RANBP2: variants seen among roughly 807,000 people sequenced by gnomAD.
The protein encoded by RANBP2 is RAN binding protein 2.
Under a neutral mutation model 303.6 loss-of-function variants are expected in RANBP2, and 57 were observed. That is an observed-to-expected ratio of 0.19 (90% CI 0.15 to 0.23). The LOEUF (loss-of-function observed/expected upper bound fraction) is 0.23. Among genes scored for constraint, RANBP2 ranks in the 10% least tolerant of loss-of-function variants. The probability of loss-of-function intolerance (pLI) is 1.00; values close to 1 mark genes in which losing one functional copy is unlikely to be tolerated. For synonymous variants in RANBP2, 1,167 were observed against 1,301.5 expected (o/e 0.90, Z 2.23); for missense variants, 3,138 against 3,780.8 (o/e 0.83, Z 4.46).
At chr2:109,411,619 C>A in the RANBP2 span, among the ~76,000 whole-genome samples, 1 of 152,174 alleles carries the variant, frequency 6.6e-6, no homozygotes, top group Non-Finnish European at 1.5e-5. Flanking sequence ...TTTTAGTTTT[C>A]ATATCCCTGA....
At chr2:108,954,489 G>T in the RANBP2 span, among the ~76,000 whole-genome samples, 2 of 152,104 alleles carry the variant, frequency 1.3e-5, no homozygotes, top group African/African-American at 2.4e-5. Context: ...CCTTGGAAAA[G>T]GCTCCCCACC....
the RANBP2 span, among the ~76,000 whole-genome samples, chr2:109,113,350 G>A: frequency 0.19 from 29,287 of 150,430 alleles, 3,478 homozygotes; most frequent in Middle Eastern, 0.35. Context: ...GGTCCTTCAC[G>A]TCCCTTGTAA....
At chr2:108,974,278 T>G in the RANBP2 span, among the ~76,000 whole-genome samples, 1 of 119,466 alleles carries the variant, frequency 8.4e-6, no homozygotes, top group Admixed American at 1.2e-4. Flanking sequence ...TGCAGTGAGC[T>G]GAGATCACAC....
chr2:108,742,311 T>C (rs1696174292), intron 7 of RANBP2, among the ~76,000 whole-genome samples: 1 of 151,160 alleles, frequency 6.6e-6, no homozygotes, highest in African/African-American at 2.4e-5. Context: ...ATAAATCTTT[T>C]TATTTTTATT....
At chr2:109,541,063 T>C in the RANBP2 span, among the ~76,000 whole-genome samples, 8 of 152,346 alleles carry the variant, frequency 5.3e-5, no homozygotes, top group East Asian at 1.5e-3. Context: ...TGCAGTTTCT[T>C]ACTTTTTTCT....
chr2:109,636,911 T>G, the RANBP2 span, among the ~76,000 whole-genome samples: 1 of 152,050 alleles, frequency 6.6e-6, no homozygotes. Context: ...GAAAGAGAGA[T>G]AAGACACAGA....
In RANBP2 at chr2:108,763,819, G is replaced by A; in HGVS notation, c.3280G>A (p.Gly1094Arg). The change falls in exon 20 of 29, where the codon GGG (glycine) becomes AGG (arginine). Residue 1094 changes from glycine (G) to arginine (R), a missense_variant. By Grantham distance (125) the Gly-to-Arg change is moderately radical. This residue lies in a region of RANBP2 where 403 missense variants were observed against 376.7 expected (regional missense o/e 1.07). Coordinates refer to ENST00000283195, the MANE Select transcript of RANBP2 (RefSeq NM_006267.5). Reference protein sequence around the residue: ...AKPIPGGQTIGPRNTFNFGSK... With the variant: ...AKPIPGGQTIRPRNTFNFGSK... ...ACCAATTCCTGGTGGTCAAACCATT[G>A]GGCCTCGAAATACATTCAATTTTGG... 6.2e-7 allele frequency: 1 copy of A among 1,614,016 alleles called. No homozygotes were observed.
At chr2:109,468,063 C>T in the RANBP2 span, among the ~76,000 whole-genome samples, 1 of 152,222 alleles carries the variant, frequency 6.6e-6, no homozygotes, top group East Asian at 1.9e-4. Context: ...CCACAACTCA[C>T]TAATCAAAAC....
the RANBP2 span, among the ~76,000 whole-genome samples, chr2:108,932,743 G>C: frequency 6.6e-6 from 1 of 152,042 alleles, no homozygotes; most frequent in Non-Finnish European, 1.5e-5. Flanking sequence ...GGTCCTTTAG[G>C]AGATGCACCC....
Position 108,729,166 on chromosome 2 carries a change from A to G in RANBP2, c.107A>G (p.Tyr36Cys), listed in dbSNP as rs759509405. The G allele has an allele frequency of 6.4e-7, 1 of 1,574,256 alleles. No individual in the cohort carries two copies. Among genetic ancestry groups the G allele is most frequent in the Non-Finnish European group, 8.6e-7 (1 of 1,162,334 alleles). Residue 36 changes from tyrosine to cysteine, a missense_variant, in exon 2 of 29, where the codon TAT (tyrosine) becomes TGT (cysteine). Tyr to Cys is a radical substitution (Grantham distance 194, BLOSUM62 -2). Around this residue, in one of 20 missense-constraint regions of RANBP2, gnomAD observed 306 missense variants for 381.9 expected, o/e 0.80. Transcript: ENST00000283195. ...SMKGFYFAKL[Y>C]YEAKEYDLAK... Reference sequence around the variant, plus strand: ...AAAGGATTCTATTTTGCAAAGCTGTATTATGAAGCTAAAGAATATGATCTT... The same window carrying G: ...AAAGGATTCTATTTTGCAAAGCTGTGTTATGAAGCTAAAGAATATGATCTT...
At chr2:109,413,566 C>T in the RANBP2 span, among the ~76,000 whole-genome samples, 66 of 152,310 alleles carry the variant, frequency 4.3e-4, no homozygotes, top group African/African-American at 1.2e-3. Context: ...CTGTCTCTCC[C>T]GCTCTAGAAT....
the RANBP2 span, among the ~76,000 whole-genome samples, chr2:109,695,581 G>C: frequency 6.6e-6 from 1 of 152,164 alleles, no homozygotes; most frequent in Non-Finnish European, 1.5e-5. Flanking sequence ...TACTACCTTG[G>C]TGGGAAAATC....
the RANBP2 span, among the ~76,000 whole-genome samples, chr2:109,741,451 C>T: frequency 1.3e-5 from 2 of 149,824 alleles, no homozygotes; most frequent in Non-Finnish European, 3.0e-5. Context: ...GGGCTCGGTG[C>T]CCCACGCCTG....
At chr2:109,020,007 G>C in the RANBP2 span, among the ~76,000 whole-genome samples, 1 of 152,220 alleles carries the variant, frequency 6.6e-6, no homozygotes, top group Non-Finnish European at 1.5e-5. Context: ...AAGTGGGGGT[G>C]AAGTTTCGGG....
chr2:109,339,824 G>T, the RANBP2 span, among the ~76,000 whole-genome samples: 1 of 152,126 alleles, frequency 6.6e-6, no homozygotes, highest in Non-Finnish European at 1.5e-5. Context: ...AAACAGATCT[G>T]GACCCTCCTG....
chr2:109,133,705 T>G, the RANBP2 span, among the ~76,000 whole-genome samples: 1 of 149,424 alleles, frequency 6.7e-6, no homozygotes, highest in Non-Finnish European at 1.5e-5. Flanking sequence ...ATGGTCATCT[T>G]GATTTCCCAA....
the RANBP2 span, among the ~76,000 whole-genome samples, chr2:109,648,731 T>C: frequency 3.3e-5 from 5 of 149,470 alleles, no homozygotes; most frequent in African/African-American, 1.2e-4. Context: ...TTGGCTCACA[T>C]CAACCCCTGC....
At chr2:109,690,616 G>T in the RANBP2 span, among the ~76,000 whole-genome samples, 1 of 152,214 alleles carries the variant, frequency 6.6e-6, no homozygotes, top group African/African-American at 2.4e-5. Context: ...GCCACCCAGG[G>T]GCAGAGGAAT....
At chr2:109,057,921 G>A in the RANBP2 span, among the ~76,000 whole-genome samples, 3 of 152,350 alleles carry the variant, frequency 2.0e-5, no homozygotes, top group South Asian at 2.1e-4. Context: ...AGATGATAAC[G>A]ATCAGCTCAG....
Sources: gnomAD v4.1 joint callset for allele counts (sites outside exome capture counted in the v4.1 genomes callset) on GRCh38, gnomAD v4.1.1 for gene constraint, gnomAD v4.1.1 regional missense constraint, MANE v1.5 for transcripts, NCBI Gene and HGNC (gene_info 2026-07-23, HGNC 2026-07-21) for gene names.